SLC24A3: variants seen among roughly 807,000 people sequenced by gnomAD.
SLC24A3 encodes the protein sodium/potassium/calcium exchanger 3.
SLC24A3 carries 28 observed loss-of-function variants against 75.8 expected under a neutral mutation model. That is an observed-to-expected ratio of 0.37 (90% CI 0.27 to 0.51). SLC24A3 has a LOEUF of 0.51. Ranked by LOEUF, SLC24A3 falls within the 20% of genes least tolerant of loss-of-function variation. The pLI is 0.94. For missense variants in SLC24A3, 663 were observed against 847.8 expected, an observed-to-expected ratio of 0.78 and a Z score of 2.71; for synonymous variants, 372 against 334.1, an observed-to-expected ratio of 1.11 and a Z score of -1.24.
At chr20:19,694,554 C>G (rs774684202) in intron 13 of SLC24A3, 1 of 152,154 alleles carries the variant, frequency 6.6e-6, no homozygotes, top group Non-Finnish European at 1.5e-5. Flanking sequence ...CCTGCATTCA[C>G]TAATGTTTTC....
At chr20:19,358,641 G>A (rs990722811) in intron 2 of SLC24A3, among the ~76,000 whole-genome samples, 52 of 152,142 alleles carry the variant, frequency 3.4e-4, no homozygotes, top group Non-Finnish European at 1.5e-4. Context: ...TATGCATAAT[G>A]TAAAATGTAC....
chr20:19,293,655 CAAAA>C (rs760339037), intron 2 of SLC24A3, among the ~76,000 whole-genome samples: 3 of 57,780 alleles, frequency 5.2e-5, no homozygotes, highest in African/African-American at 5.5e-5. Flanking sequence ...AACTTCGTCT[CAAAA>C]AAAAAAAAAA....
chr20:19,691,333 C>G (rs1359136741), intron 12 of SLC24A3, among the ~76,000 whole-genome samples: 1 of 152,186 alleles, frequency 6.6e-6, no homozygotes, highest in African/African-American at 2.4e-5. Context: ...CCTGCGAGGG[C>G]AAAGTCCTTG....
At chr20:19,258,672 A>C (rs189479231) in intron 1 of SLC24A3, among the ~76,000 whole-genome samples, 2 of 152,250 alleles carry the variant, frequency 1.3e-5, no homozygotes, top group Non-Finnish European at 2.9e-5. Flanking sequence ...ACTGCACTCC[A>C]GCCTGGGTGA....
chr20:19,680,112 CTGTGTCTGTGTGTGTGTCTGTG>C (rs1436202620), intron 9 of SLC24A3, among the ~76,000 whole-genome samples: 2 of 128,596 alleles, frequency 1.6e-5, no homozygotes, highest in Non-Finnish European at 3.3e-5. Context: ...GAGTGTGTGT[CTGTGTCTGTGTGTGTGTCTGTG>C]TGTGTCTCTG....
intron 2 of SLC24A3, among the ~76,000 whole-genome samples, chr20:19,341,944 T>C (rs1985281827): frequency 6.6e-6 from 1 of 152,204 alleles, no homozygotes; most frequent in South Asian, 2.1e-4. Context: ...AGTGGCCACA[T>C]TTGTAGATAC....
chr20:19,514,870 G>C (rs1309346197), intron 2 of SLC24A3, among the ~76,000 whole-genome samples: 1 of 152,164 alleles, frequency 6.6e-6, no homozygotes, highest in Non-Finnish European at 1.5e-5. Flanking sequence ...GAGGGAGGGA[G>C]CAGGGAGGGG....
chr20:19,433,013 A>G (rs1040937061), intron 2 of SLC24A3, among the ~76,000 whole-genome samples: 2 of 152,236 alleles, frequency 1.3e-5, no homozygotes, highest in Non-Finnish European at 1.5e-5. Context: ...AATGGGTTCA[A>G]TAACATTAGA....
At chr20:19,701,267 T>C (rs1489904999) in intron 15 of SLC24A3, among the ~76,000 whole-genome samples, 3 of 152,060 alleles carry the variant, frequency 2.0e-5, no homozygotes, top group Non-Finnish European at 4.4e-5. Flanking sequence ...AAGTTACCTT[T>C]CATGAATTAG....
chr20:19,251,467 G>T (rs78632374), intron 1 of SLC24A3, among the ~76,000 whole-genome samples: 1,862 of 152,320 alleles, frequency 0.012, 25 homozygotes, highest in South Asian at 0.025. Flanking sequence ...GCAAGGAGGT[G>T]ACCTAAGAAG....
intron 1 of SLC24A3, 57 bp from the exon 2 acceptor site, chr20:19,280,902 G>C: frequency 6.3e-7 from 1 of 1,581,694 alleles, no homozygotes; most frequent in Non-Finnish European, 8.6e-7. Flanking sequence ...ATGCAGCGTC[G>C]GCAGAGGCTG....
chr20:19,489,954 A>G (rs1373573632), intron 2 of SLC24A3, among the ~76,000 whole-genome samples: 2 of 152,144 alleles, frequency 1.3e-5, no homozygotes, highest in Non-Finnish European at 2.9e-5. Flanking sequence ...GGCTCTGGGT[A>G]GGAGGAAGTA....
chr20:19,633,585 C>G (rs1180742095), intron 6 of SLC24A3, among the ~76,000 whole-genome samples: 1 of 136,404 alleles, frequency 7.3e-6, no homozygotes, highest in Admixed American at 8.4e-5. Context: ...GGAGGCGGAG[C>G]TTGCAGTGAG....
chr20:19,382,175 A>G (rs774234740), intron 2 of SLC24A3, among the ~76,000 whole-genome samples: 67 of 152,248 alleles, frequency 4.4e-4, no homozygotes, highest in Non-Finnish European at 7.8e-4. Context: ...ACACATGAAT[A>G]AATGCTAGGA....
intron 2 of SLC24A3, among the ~76,000 whole-genome samples, chr20:19,480,456 C>G (rs1389378954): frequency 6.6e-6 from 1 of 152,224 alleles, no homozygotes; most frequent in Non-Finnish European, 1.5e-5. Context: ...ATTACACACA[C>G]AGCTGCCTGA....
At chr20:19,393,498 T>G (rs1342752943) in intron 2 of SLC24A3, among the ~76,000 whole-genome samples, 1 of 152,178 alleles carries the variant, frequency 6.6e-6, no homozygotes, top group Non-Finnish European at 1.5e-5. Flanking sequence ...ATAAAGAAAT[T>G]TAGCCCAGTT....
At chr20:19,469,443 C>T (rs1180939955) in intron 2 of SLC24A3, among the ~76,000 whole-genome samples, 1 of 152,152 alleles carries the variant, frequency 6.6e-6, no homozygotes, top group Non-Finnish European at 1.5e-5. Context: ...GTTCCCAAGC[C>T]GCCCCTGGTC....
At chr20:19,477,598 C>G (rs183378082) in intron 2 of SLC24A3, among the ~76,000 whole-genome samples, 2 of 152,182 alleles carry the variant, frequency 1.3e-5, no homozygotes, top group Non-Finnish European at 2.9e-5. Context: ...ACAGACACCA[C>G]AGTCCTTGGA....
chr20:19,263,887 A>G (rs570151265), intron 1 of SLC24A3, among the ~76,000 whole-genome samples: 1 of 152,156 alleles, frequency 6.6e-6, no homozygotes, highest in Non-Finnish European at 1.5e-5. Context: ...CATCAAGAGG[A>G]TATTTTAGTT....
Sources: gnomAD v4.1 joint callset for allele counts (sites outside exome capture counted in the v4.1 genomes callset) on GRCh38, gnomAD v4.1.1 for gene constraint, MANE v1.5 for transcripts, NCBI Gene and HGNC (gene_info 2026-07-23, HGNC 2026-07-21) for gene names.